Variants in GRIK3 observed in about 807,000 individuals in gnomAD.
GRIK3 encodes the protein glutamate ionotropic receptor kainate type subunit 3, also known as glutamate receptor ionotropic, kainate 3.
GRIK3 carries 29 observed loss-of-function variants against 102.5 expected under a neutral mutation model. That is an observed-to-expected ratio of 0.28 (90% CI 0.21 to 0.39). The LOEUF (loss-of-function observed/expected upper bound fraction) is 0.39. Ranked by LOEUF, GRIK3 falls within the 10% of genes least tolerant of loss-of-function variation. GRIK3 has a pLI of 1.00. For missense variants in GRIK3, 908 were observed against 1,252.4 expected, an observed-to-expected ratio of 0.73 and a Z score of 4.15; for synonymous variants, 511 against 504.9, an observed-to-expected ratio of 1.01 and a Z score of -0.16.
intron 1 of GRIK3, among the ~76,000 whole-genome samples, chr1:37,017,629 C>T (rs1249087358): frequency 1.3e-5 from 2 of 152,010 alleles, no homozygotes; most frequent in East Asian, 3.9e-4. Flanking sequence ...AATCCAGGGC[C>T]CCTTGATAAT....
chr1:37,023,142 C>T (rs1642733404), intron 1 of GRIK3, among the ~76,000 whole-genome samples: 1 of 152,004 alleles, frequency 6.6e-6, no homozygotes, highest in South Asian at 2.1e-4. Flanking sequence ...GCCTGGCCAA[C>T]ATGGTGAAAC....
intron 5 of GRIK3, among the ~76,000 whole-genome samples, chr1:36,867,710 G>A (rs1475406106): frequency 6.6e-6 from 1 of 152,016 alleles, no homozygotes; most frequent in Non-Finnish European, 1.5e-5. Context: ...GTAGAATTGG[G>A]GTCAGAGCAG....
At chr1:36,864,790 C>T (rs558258830) in intron 5 of GRIK3, among the ~76,000 whole-genome samples, 1 of 151,336 alleles carries the variant, frequency 6.6e-6, no homozygotes, top group Non-Finnish European at 1.5e-5. Context: ...CCCCGTGATA[C>T]GAGGACAATG....
intron 1 of GRIK3, among the ~76,000 whole-genome samples, chr1:36,968,591 AC>A (rs1280126920): frequency 6.6e-6 from 1 of 152,058 alleles, no homozygotes; most frequent in Admixed American, 6.5e-5. Context: ...CACCTCTCTC[AC>A]ATGCACCTAG....
intron 1 of GRIK3, among the ~76,000 whole-genome samples, chr1:36,958,901 T>C (rs822862): frequency 0.63 from 52,261 of 82,342 alleles, 18,990 homozygotes; most frequent in East Asian, 0.93. Flanking sequence ...AGTCTGTGCC[T>C]TGTGACTCTG....
At chr1:36,953,939 C>A (rs1421311389) in intron 1 of GRIK3, among the ~76,000 whole-genome samples, 1 of 152,122 alleles carries the variant, frequency 6.6e-6, no homozygotes, top group East Asian at 1.9e-4. Context: ...GGCAGAGGAC[C>A]CCCAGCCCCT....
At chr1:37,021,848 G>A (rs1642718433) in intron 1 of GRIK3, among the ~76,000 whole-genome samples, 1 of 152,172 alleles carries the variant, frequency 6.6e-6, no homozygotes, top group Non-Finnish European at 1.5e-5. Flanking sequence ...AGCCCAGTCA[G>A]TCAGGAACTG....
chr1:36,808,133 C>T (rs1037160691), intron 13 of GRIK3, among the ~76,000 whole-genome samples: 2 of 152,248 alleles, frequency 1.3e-5, no homozygotes, highest in African/African-American at 4.8e-5. Flanking sequence ...TAAAAATCTT[C>T]CTGGTGTTCA....
chr1:36,807,092 T>A (rs1471120494), intron 13 of GRIK3, among the ~76,000 whole-genome samples: 1 of 152,034 alleles, frequency 6.6e-6, no homozygotes, highest in African/African-American at 2.4e-5. Flanking sequence ...GGGTAGGTGG[T>A]CTGCAAACCC....
rs1642403083 is a variant in GRIK3, at chr1:36,799,120, T to C, written c.*2731A>G. ...TTGGCAAATACCTTCATTAGAATCC[T>C]GTTACCTGGGAATTACAAAAAAGAG... is the stretch of plus-strand genomic sequence containing the variant. On this transcript the variant is annotated 3_prime_UTR_variant, in exon 16 of 16. Transcript: ENST00000373091. 6.6e-6 allele frequency: 1 copy of C among 152,238 alleles called. No individual in the cohort carries two copies. The highest frequency in any genetic ancestry group is 1.5e-5 in the Non-Finnish European group (1 of 68,046). 9.4% of individuals were successfully genotyped at this position (152,238 alleles called of 1,614,324 possible). A position where few individuals can be genotyped will look rare whatever the true frequency, so the allele number is the denominator to read the frequency against.
In GRIK3 at chr1:36,841,773, C is replaced by T. The variant is rs1193762212; in HGVS notation, c.1493G>A (p.Gly498Asp). 2 of 1,614,202 alleles carry T rather than the reference C, an allele frequency of 1.2e-6. No homozygotes were observed. The highest frequency in any genetic ancestry group is 1.7e-6 in the Non-Finnish European group (2 of 1,180,032). ...DGKYGAQDDK[G>D]QWNGMVKELI... is the part of the protein sequence containing the mutation. The stretch of plus-strand genomic sequence containing the variant: ...CTCCTTGACCATGCCGTTCCACTGG[C>T]CCTTGTCATCCTGTGCCCCGTACTT... The change falls in exon 10 of 16, where the codon GGC becomes GAC. Residue 498 changes from glycine to aspartate, a missense_variant. Coordinates refer to ENST00000373091, the MANE Select transcript of GRIK3 (RefSeq NM_000831.4).
At chr1:36,994,289 A>C (rs747806549) in intron 1 of GRIK3, among the ~76,000 whole-genome samples, 9 of 152,364 alleles carry the variant, frequency 5.9e-5, no homozygotes, top group Non-Finnish European at 1.3e-4. Context: ...GTAAACTAGG[A>C]AACTCTTCTA....
chr1:36,814,275 G>A (rs1642595436), intron 13 of GRIK3, among the ~76,000 whole-genome samples: 1 of 152,176 alleles, frequency 6.6e-6, no homozygotes, highest in African/African-American at 2.4e-5. Context: ...GCTTATTTAT[G>A]CCGTTTCACT....
intron 1 of GRIK3, among the ~76,000 whole-genome samples, chr1:36,907,215 G>A (rs929883162): frequency 1.3e-5 from 2 of 152,058 alleles, no homozygotes; most frequent in African/African-American, 2.4e-5. Flanking sequence ...AGACTATGAC[G>A]GAACAAAATC....
intron 13 of GRIK3, among the ~76,000 whole-genome samples, chr1:36,815,333 G>A (rs926757424): frequency 1.3e-5 from 2 of 152,196 alleles, no homozygotes; most frequent in Non-Finnish European, 2.9e-5. Context: ...AGGGGAGAAA[G>A]TGCCAGGGGG....
chr1:37,011,866 G>A (rs776107062), intron 1 of GRIK3, among the ~76,000 whole-genome samples: 11 of 152,212 alleles, frequency 7.2e-5, no homozygotes, highest in African/African-American at 1.2e-4. Context: ...GGCACAAGGA[G>A]GATGCCAAGC....
rs1640960362 is a variant in GRIK3 at position 36,880,505 on chromosome 1, T to G, written c.550+129A>C. ...AGGGGTGAACATCAGCATAACCGAG[T>G]GGAACTGGGGTATGGAACACAGCCT... On this transcript the variant is annotated intron_variant, in intron 3 of 15. Coordinates refer to ENST00000373091, the MANE Select transcript of GRIK3 (RefSeq NM_000831.4). The surrounding 1 kb of genome is among the most constrained non-coding windows in gnomAD (Gnocchi z 5.4). 2 of 905,942 alleles carry G rather than the reference T, an allele frequency of 2.2e-6. No individual in the cohort carries two copies. Among genetic ancestry groups the G allele is most frequent in the Non-Finnish European group, 1.8e-6 (1 of 567,532 alleles). 56.1% of individuals were successfully genotyped at this position (905,942 alleles called of 1,614,324 possible). A position where few individuals can be genotyped will look rare whatever the true frequency, so the allele number is the denominator to read the frequency against.
chr1:37,020,847 A>AC (rs1003397308), intron 1 of GRIK3, among the ~76,000 whole-genome samples: 10 of 151,958 alleles, frequency 6.6e-5, no homozygotes, highest in South Asian at 2.1e-4. Flanking sequence ...GCCACCGGCT[A>AC]CCCCCGGCCC....
In GRIK3 at chr1:36,952,333, G is replaced by A. The variant is rs371732935; in HGVS notation, c.116-61237C>T. ...CTGAGCTGTCATCCAGGCAGCAGCT[G>A]TGATGATCCCATCTCTGTGCCTCTG... is the stretch of plus-strand genomic sequence containing the variant. On this transcript the variant is annotated intron_variant, in intron 1 of 15. Transcript: ENST00000373091. 1.1e-3 allele frequency among the ~76,000 whole-genome samples: 164 copies of A among 152,292 alleles called. 2 individuals are homozygous for A. In the South Asian group the frequency reaches 0.027, roughly 25 times the overall value.
Sources: gnomAD v4.1 joint callset for allele counts (sites outside exome capture counted in the v4.1 genomes callset) on GRCh38, gnomAD v4.1.1 for gene constraint, Gnocchi (gnomAD v3.1) non-coding constraint, MANE v1.5 for transcripts, NCBI Gene and HGNC (gene_info 2026-07-23, HGNC 2026-07-21) for gene names.